Variants in DIP2A observed in about 807,000 individuals in gnomAD.
DIP2A encodes disco-interacting protein 2 homolog A.
DIP2A carries 85 observed loss-of-function variants against 177.4 expected under a neutral mutation model. The observed-to-expected ratio is 0.48, with a 90% CI of 0.40 to 0.57. The LOEUF (loss-of-function observed/expected upper bound fraction) is 0.57, where lower values mean the gene tolerates loss of function less well. Among genes scored for constraint, DIP2A ranks in the 20% least tolerant of loss-of-function variants. The pLI, the probability that DIP2A is intolerant of heterozygous loss-of-function variation, is 0.00. For synonymous variants in DIP2A, 886 were observed against 881.8 expected (o/e 1.00, Z -0.08); for missense variants, 1,791 against 2,100.2 (o/e 0.85, Z 2.88).
rs755315467 is a variant in DIP2A at position 46,545,948 on chromosome 21, G to C, written c.2381G>C (p.Gly794Ala). 1 of 1,614,012 alleles carries C rather than the reference G, an allele frequency of 6.2e-7. No individual in the cohort carries two copies. Among genetic ancestry groups the C allele is most frequent in the Non-Finnish European group, 8.5e-7 (1 of 1,179,888 alleles). ...CCATTCACCAGGACAGGCCTGCTGG[G>C]CTTCATCGGGCCTGTGAGTATGTCC... is the stretch of plus-strand genomic sequence containing the variant. ...DRPFTRTGLL[G>A]FIGPDNLVFI... Residue 794 changes from glycine to alanine, a missense_variant, in exon 20 of 38, where the codon GGC becomes GCC. Gly to Ala is a moderately conservative substitution (Grantham distance 60). Transcript: ENST00000417564.
At chr21:46,463,941 C>T (rs1296272992) in intron 1 of DIP2A, among the ~76,000 whole-genome samples, 2 of 151,700 alleles carry the variant, frequency 1.3e-5, no homozygotes, top group Non-Finnish European at 2.9e-5. Context: ...AACTCCTGAC[C>T]TCGTGATCCA....
intron 1 of DIP2A, among the ~76,000 whole-genome samples, chr21:46,477,543 T>TTTTTTTTGTGTGTGTGTGTG (rs374607636): frequency 1.1e-5 from 1 of 87,094 alleles, no homozygotes; most frequent in Admixed American, 1.4e-4. Flanking sequence ...AAAAAAAGAT[T>TTTTTTTTGTGTGTGTGTGTG]TGTGTGTGTG....
At chr21:46,478,452 T>C (rs960913872) in intron 1 of DIP2A, among the ~76,000 whole-genome samples, 4 of 152,150 alleles carry the variant, frequency 2.6e-5, no homozygotes, top group Non-Finnish European at 5.9e-5. Flanking sequence ...CCTCAGGTGA[T>C]CTGCCTGCCT....
intron 1 of DIP2A, among the ~76,000 whole-genome samples, chr21:46,482,602 C>T (rs999620593): frequency 3.9e-5 from 6 of 152,084 alleles, no homozygotes; most frequent in African/African-American, 9.7e-5. Flanking sequence ...GCAGACCCTT[C>T]GTGAGCTATT....
chr21:46,549,356 T>C (rs2060182416), intron 21 of DIP2A, among the ~76,000 whole-genome samples: 1 of 152,148 alleles, frequency 6.6e-6, no homozygotes, highest in African/African-American at 2.4e-5. Context: ...TTTAAGATAG[T>C]AAAAACACGT....
intron 1 of DIP2A, among the ~76,000 whole-genome samples, chr21:46,471,264 C>T (rs1237151395): frequency 6.6e-6 from 1 of 152,188 alleles, no homozygotes; most frequent in Non-Finnish European, 1.5e-5. Flanking sequence ...CTCCTGGTTT[C>T]AAGCGATCTT....
chr21:46,510,775 C>T (rs1274727281), intron 7 of DIP2A, among the ~76,000 whole-genome samples: 2 of 151,604 alleles, frequency 1.3e-5, no homozygotes, highest in African/African-American at 2.4e-5. Context: ...GTACTACAGG[C>T]GTCCACCACC....
intron 9 of DIP2A, among the ~76,000 whole-genome samples, chr21:46,531,332 G>A (rs796543666): frequency 1.4e-4 from 21 of 152,206 alleles, no homozygotes; most frequent in African/African-American, 4.8e-4. Context: ...CCCAGCTGAG[G>A]GAGTATTTTA....
At position 46,459,043 on chromosome 21, in the gene DIP2A, C is replaced by T. The variant is rs1403031073; in HGVS notation, c.-89C>T. 2 of 1,133,316 alleles carry T rather than the reference C, an allele frequency of 1.8e-6. No individual in the cohort carries two copies. The highest frequency in any genetic ancestry group is 2.3e-6 in the Non-Finnish European group (2 of 851,208). The allele number at this position is 1,133,316 out of a possible 1,614,324, so 70.2% of individuals were successfully genotyped here. ...CGCCTGGCGGATGTAGGTTGTTGGCCTGAGGGGAGCTACGTAGCCGAGGTT... is the reference window on the plus strand; with the variant it reads ...CGCCTGGCGGATGTAGGTTGTTGGCTTGAGGGGAGCTACGTAGCCGAGGTT... On this transcript the variant is annotated 5_prime_UTR_variant, in exon 1 of 38. Transcript: ENST00000417564.
At chr21:46,526,840 T>G (rs980620229) in intron 8 of DIP2A, among the ~76,000 whole-genome samples, 26 of 152,242 alleles carry the variant, frequency 1.7e-4, no homozygotes, top group African/African-American at 2.4e-5. Flanking sequence ...TTTCCAGTTG[T>G]TCAGCTTTTT....
rs758199992 is a variant in DIP2A, at chr21:46,511,524, A to G, written c.1012A>G (p.Thr338Ala). The G allele has an allele frequency of 4.3e-6, 7 of 1,611,776 alleles. No homozygotes were observed. The African/African-American group carries it at 6.7e-5, about 15-fold the overall frequency. The change falls in exon 8 of 38, where the codon ACC (threonine) becomes GCC (alanine). Residue 338 changes from threonine (T) to alanine (A), a missense_variant. Transcript: ENST00000417564. ...CCCCCGACCGCCGTCGCTGTTGGCC[A>G]CCTTGCAGCGCTGGGGCACAACACA... The part of the protein sequence containing the change: ...GVPRPPSLLA[T>A]LQRWGTTQPK...
At chr21:46,525,169 G>GA (rs1214956991) in intron 8 of DIP2A, among the ~76,000 whole-genome samples, 1 of 135,006 alleles carries the variant, frequency 7.4e-6, no homozygotes, top group Non-Finnish European at 1.6e-5. Flanking sequence ...TTACAGTTGT[G>GA]AGCCACCATG....
rs1410825745 is a variant in DIP2A, at chr21:46,458,971, T to TGCGTTGCTGTCCTGGCC, written c.-157_-141dup. 3 of 452,572 alleles carry TGCGTTGCTGTCCTGGCC rather than the reference T, an allele frequency of 6.6e-6. No homozygotes were observed. The highest frequency in any genetic ancestry group is 6.2e-5 in the African/African-American group (3 of 48,566). 28.0% of individuals were successfully genotyped at this position (452,572 alleles called of 1,614,324 possible). A position where few individuals can be genotyped will look rare whatever the true frequency, so the allele number is the denominator to read the frequency against. On this transcript the variant is annotated 5_prime_UTR_variant, in exon 1 of 38. Coordinates refer to ENST00000417564, the MANE Select transcript of DIP2A (RefSeq NM_015151.4). ...CCATCCGCGCTCGTGCCCGCGCGGG[T>TGCGTTGCTGTCCTGGCC]GCGTTGCTGTCCTGGCCGCGCCCCT...
At chr21:46,477,473 G>A (rs2055953388) in intron 1 of DIP2A, among the ~76,000 whole-genome samples, 2 of 150,748 alleles carry the variant, frequency 1.3e-5, no homozygotes, top group Admixed American at 1.3e-4. Context: ...GTTGCAGTGA[G>A]CTGAGATTGC....
chr21:46,497,217 A>C lies in DIP2A; in HGVS notation c.403+110A>C, dbSNP rs2057407239. 6.1e-6 allele frequency: 8 copies of C among 1,310,748 alleles called. No individual in the cohort carries two copies. The East Asian group carries it at 2.1e-4, about 35-fold the overall frequency. The allele number at this position is 1,310,748 out of a possible 1,614,324, so 81.2% of individuals were successfully genotyped here. ...AATATCCGTCTGGCCTGTAGTATAG[A>C]TTGGACGCATTTGGAGATTAAAAAT... On this transcript the variant is annotated intron_variant, in intron 4 of 37. Transcript: ENST00000417564.
chr21:46,524,293 A>G (rs967082673), intron 8 of DIP2A, among the ~76,000 whole-genome samples: 1 of 152,162 alleles, frequency 6.6e-6, no homozygotes, highest in African/African-American at 2.4e-5. Flanking sequence ...TAACCTTCCC[A>G]AGTTGGGCCT....
intron 1 of DIP2A, among the ~76,000 whole-genome samples, chr21:46,473,807 C>T (rs1390394763): frequency 6.6e-6 from 1 of 152,124 alleles, no homozygotes; most frequent in Non-Finnish European, 1.5e-5. Context: ...TGAACCACTG[C>T]GCCTGGCCAG....
Position 46,562,207 on chromosome 21 carries a change from C to A in DIP2A, c.4089+402C>A, listed in dbSNP as rs900767176. 1.2e-4 allele frequency among the ~76,000 whole-genome samples: 19 copies of A among 152,272 alleles called. No individual in the cohort carries two copies. The East Asian group carries it at 3.5e-3, about 28-fold the overall frequency. On this transcript the variant is annotated intron_variant, in intron 34 of 37. Transcript: ENST00000417564. Reference sequence around the variant, plus strand: ...CTCATGCCCTAGTTTAGGGTGTCAGCAGGGAAGAGGCCCCCAGACCCTGTC... The same window carrying A: ...CTCATGCCCTAGTTTAGGGTGTCAGAAGGGAAGAGGCCCCCAGACCCTGTC...
intron 6 of DIP2A, among the ~76,000 whole-genome samples, chr21:46,505,348 C>T (rs895579270): frequency 6.6e-6 from 1 of 152,132 alleles, no homozygotes; most frequent in African/African-American, 2.4e-5. Context: ...GTGGCTCACA[C>T]CTGTAATCCC....
Sources: allele counts gnomAD v4.1 joint callset (sites outside exome capture counted in the v4.1 genomes callset), GRCh38; gene constraint gnomAD v4.1.1; transcripts MANE v1.5; gene names NCBI Gene and HGNC (gene_info 2026-07-23, HGNC 2026-07-21).